ABCC12: variants seen among roughly 807,000 people sequenced by gnomAD.
The protein encoded by ABCC12 is ATP binding cassette subfamily C member 12.
A neutral mutation model predicts 151.1 loss-of-function variants in ABCC12; 142 were observed. The ratio of observed to expected loss-of-function variants is 0.94; its 90% confidence interval spans 0.82 to 1.08. ABCC12 has a LOEUF of 1.08. Among genes scored for constraint, ABCC12 ranks in the 50% least tolerant of loss-of-function variants. The probability of loss-of-function intolerance (pLI) is 0.00; values close to 1 mark genes in which losing one functional copy is unlikely to be tolerated. For missense variants in ABCC12, 1,638 were observed against 1,691.1 expected (o/e 0.97, Z 0.55); for synonymous variants, 645 against 646.4 (o/e 1.00, Z 0.03).
intron 12 of ABCC12, among the ~76,000 whole-genome samples, chr16:48,122,068 T>C (rs1356996551): frequency 6.6e-6 from 1 of 152,184 alleles, no homozygotes; most frequent in South Asian, 2.1e-4. Context: ...AAAGAGGCAG[T>C]GGTAAGCTCT....
intron 11 of ABCC12, among the ~76,000 whole-genome samples, 193 bp from the exon 12 acceptor site, chr16:48,124,477 A>C (rs1213622466): frequency 6.6e-6 from 1 of 152,216 alleles, no homozygotes; most frequent in East Asian, 1.9e-4. Flanking sequence ...GCAGGAATGT[A>C]AGTCTTAATT....
At chr16:48,141,623 C>T (rs1269010402) in intron 4 of ABCC12, among the ~76,000 whole-genome samples, 2 of 152,182 alleles carry the variant, frequency 1.3e-5, no homozygotes, top group Non-Finnish European at 1.5e-5. Flanking sequence ...ATCTCTGCCA[C>T]AGTGTCAGCT....
rs778965572 is a variant in ABCC12 at position 48,105,208 on chromosome 16, G to A, written c.2604C>T (p.Thr868=). ...TGGTCTTGGTGAAGACGAAGCCTTT[G>A]GTGACGCCAAACACCAGCATGAACA... The part of the protein sequence containing the change: ...SMVFMLVFGV[T]KGFVFTKTTL... The change falls in exon 21 of 31, where the codon ACC becomes ACT. Residue 868 remains threonine (T), a synonymous_variant. Coordinates refer to ENST00000311303, the MANE Select transcript of ABCC12 (RefSeq NM_001393797.1). 2 of 1,614,176 alleles carry A rather than the reference G, an allele frequency of 1.2e-6. No individual in the cohort carries two copies. Among genetic ancestry groups the A allele is most frequent in the African/African-American group, 1.3e-5 (1 of 75,038 alleles).
Position 48,115,547 on chromosome 16 carries a change from G to A in ABCC12, c.1857C>T (p.Ser619=), listed in dbSNP as rs772843879. The stretch of plus-strand genomic sequence containing the variant: ...CGTCCAGCAGGTAGAGCTGACGGTC[G>A]GAGTAGACAGCGCGGGCCAGGCTAA... ...QRISLARAVY[S]DRQLYLLDDP... Residue 619 remains serine, a synonymous_variant, in exon 15 of 31, where the codon TCC becomes TCT. Transcript: ENST00000311303. 32 of 1,614,072 alleles carry A rather than the reference G, an allele frequency of 2.0e-5. No individual in the cohort carries two copies. The highest frequency in any genetic ancestry group is 7.7e-5 in the South Asian group (7 of 91,090).
At chr16:48,096,932 C>T in intron 23 of ABCC12, 30 bp from the exon 24 acceptor site, 3 of 1,613,878 alleles carry the variant, frequency 1.9e-6, no homozygotes, top group Non-Finnish European at 2.5e-6. Context: ...GCGTCTTAAA[C>T]CTACAGTCAA....
intron 13 of ABCC12, chr16:48,121,457 A>C (rs886103260): frequency 1.3e-5 from 5 of 393,334 alleles, no homozygotes; most frequent in Non-Finnish European, 2.3e-5. Context: ...GAACCTCGGA[A>C]CATATGCTCC....
Position 48,139,164 on chromosome 16 carries a change from TG to T in ABCC12, c.829del (p.Gln277ArgfsTer18). ...ISVYVIFIPV[Q>X]MFMAKLNSAF... ...AGAAGCGCAAAAGCCTGCCGTTACC[TG>T]GACGGGTATGAATATGACATACACT... On this transcript the variant is annotated frameshift_variant and splice_region_variant, in exon 7 of 31. Coordinates refer to ENST00000311303, the MANE Select transcript of ABCC12 (RefSeq NM_001393797.1). LOFTEE classifies it high-confidence loss of function. 1 of 1,585,604 alleles carries T rather than the reference TG, an allele frequency of 6.3e-7. No homozygotes were observed. Among genetic ancestry groups the T allele is most frequent in the Non-Finnish European group, 8.6e-7 (1 of 1,169,106 alleles).
intron 22 of ABCC12, among the ~76,000 whole-genome samples, chr16:48,101,678 A>G (rs1963313857): frequency 6.6e-6 from 1 of 151,722 alleles, no homozygotes; most frequent in Non-Finnish European, 1.5e-5. Context: ...AGCTAAAGTG[A>G]GTTGTTTGGA....
chr16:48,142,552 A>G (rs947661741), intron 4 of ABCC12, among the ~76,000 whole-genome samples: 5 of 152,174 alleles, frequency 3.3e-5, no homozygotes, highest in African/African-American at 1.2e-4. Context: ...CAGGAGGTAG[A>G]TTTTGGAATG....
chr16:48,097,553 A>C (rs1460928502), intron 23 of ABCC12, among the ~76,000 whole-genome samples: 2 of 152,194 alleles, frequency 1.3e-5, no homozygotes, highest in Non-Finnish European at 2.9e-5. Context: ...GGGAAGAAGC[A>C]CAGAGCGGAG....
At chr16:48,147,000 T>G (rs1965027346) in intron 2 of ABCC12, among the ~76,000 whole-genome samples, 1 of 151,986 alleles carries the variant, frequency 6.6e-6, no homozygotes, top group Admixed American at 6.6e-5. Flanking sequence ...CCTTCTTCTT[T>G]CAGATTCTCT....
At chr16:48,140,652 A>G in intron 6 of ABCC12, 35 bp downstream of exon 6, 1 of 1,598,948 alleles carries the variant, frequency 6.3e-7, no homozygotes, top group Non-Finnish European at 8.6e-7. Flanking sequence ...CTCAGGGCCC[A>G]TTTTCCAACA....
Position 48,111,457 on chromosome 16 carries a change from A to G in ABCC12, c.2260T>C (p.Ser754Pro), listed in dbSNP as rs765472427. ...ATACCTTTTGTGTCTACAAATTCTG[A>G]GCCTGTTTCAGATTCTTTTCCTTCA... ...KDEGKESETG[S>P]EFVDTKVPEH... Residue 754 changes from serine to proline, a missense_variant, in exon 18 of 31, where the codon TCA becomes CCA. Physicochemically the swap from Ser to Pro is moderately conservative, Grantham distance 74. Transcript: ENST00000311303. 1.2e-6 allele frequency: 2 copies of G among 1,614,176 alleles called. No homozygotes were observed. Among genetic ancestry groups the G allele is most frequent in the South Asian group, 1.1e-5 (1 of 91,082 alleles).
Position 48,085,673 on chromosome 16 carries a change from C to T in ABCC12, c.3748G>A (p.Val1250Ile). ...GAGAAGTTTTCTCCATTTTCTGTGA[C>T]TTCTGCCTGTAATTTTTCTGGGAGT... ...MKLPEKLQAE[V>I]TENGENFSVG... Residue 1250 changes from valine to isoleucine, a missense_variant, in exon 29 of 31, where the codon GTC becomes ATC. Physicochemically the swap from Val to Ile is conservative, Grantham distance 29 (BLOSUM62 3). Transcript: ENST00000311303. 6.2e-7 allele frequency: 1 copy of T among 1,614,148 alleles called. No homozygotes were observed. The highest frequency in any genetic ancestry group is 1.7e-5 in the Admixed American group (1 of 60,016).
Position 48,097,007 on chromosome 16 carries a change from T to A in ABCC12, c.3039-105A>T, listed in dbSNP as rs564902777. ...CTTAAGGTTAGGGTGACTGGAGAAA[T>A]GAGGCCAAGGAATTTTTAATCAAGG... On this transcript the variant is annotated intron_variant, in intron 23 of 30. Transcript: ENST00000311303. 74 of 1,392,688 alleles carry A rather than the reference T, an allele frequency of 5.3e-5. 1 individual carries two copies. The South Asian group carries it at 8.6e-4, about 16-fold the overall frequency. The allele number at this position is 1,392,688 out of a possible 1,614,324, so 86.3% of individuals were successfully genotyped here.
At chr16:48,109,083 A>T (rs1169380267) in intron 18 of ABCC12, among the ~76,000 whole-genome samples, 1 of 152,292 alleles carries the variant, frequency 6.6e-6, no homozygotes, top group East Asian at 1.9e-4. Flanking sequence ...TTCCAGCTTG[A>T]CATTAGCTGG....
In ABCC12 at chr16:48,101,494, A is replaced by G. The variant is rs146480296; in HGVS notation, c.2901-485T>C. Among the ~76,000 whole-genome samples, 381 of 152,110 alleles carry G rather than the reference A, an allele frequency of 2.5e-3. 1 individual carries two copies. The highest frequency in any genetic ancestry group is 6.0e-3 in the Admixed American group (91 of 15,286). On this transcript the variant is annotated intron_variant, in intron 22 of 30. Transcript: ENST00000311303. ...TAGCTGACTTTAAAACCAAACACCC[A>G]CGGGATGCAGCTCCCCTTTATGTGG...
Position 48,117,256 on chromosome 16 carries a change from C to G in ABCC12, c.1785+5G>C, listed in dbSNP as rs1377207086. 1.2e-6 allele frequency: 2 copies of G among 1,613,138 alleles called. No individual in the cohort carries two copies. Among genetic ancestry groups the G allele is most frequent in the African/African-American group, 2.7e-5 (2 of 74,926 alleles). ...CAGTGGGCTTGCGCTCCCAGCCCCG[C>G]TCACCTCAGTCAGGTCTCCATAGGG... On this transcript the variant is annotated splice_donor_5th_base_variant and intron_variant, in intron 14 of 30. Transcript: ENST00000311303.
In ABCC12 at chr16:48,088,543, A is replaced by C. The variant is rs772369279; in HGVS notation, c.3475+2T>G. ...AGAAACAAAAGCAGAGCTTGTCCTC[A>C]CCGGAACCTGTTCTTCCAACAATCC... is the stretch of plus-strand genomic sequence containing the variant. On this transcript the variant is annotated splice_donor_variant, in intron 26 of 30. Transcript: ENST00000311303. LOFTEE classifies it high-confidence loss of function. The C allele has an allele frequency of 1.9e-6, 3 of 1,613,392 alleles. No homozygotes were observed. Among genetic ancestry groups the C allele is most frequent in the Non-Finnish European group, 2.5e-6 (3 of 1,179,646 alleles).
Sources: allele counts gnomAD v4.1 joint callset (sites outside exome capture counted in the v4.1 genomes callset), GRCh38; gene constraint gnomAD v4.1.1; transcripts MANE v1.5; gene names NCBI Gene and HGNC (gene_info 2026-07-23, HGNC 2026-07-21).